The following ESRRB variants were observed in gnomAD, a reference collection of about 807,000 sequenced individuals.
The protein encoded by ESRRB is steroid hormone receptor ERR2.
Under a neutral mutation model 46.0 loss-of-function variants are expected in ESRRB, and 16 were observed. That is an observed-to-expected ratio of 0.35 (90% confidence interval 0.24 to 0.53). The LOEUF (loss-of-function observed/expected upper bound fraction) is 0.53. Among genes scored for constraint, ESRRB ranks in the 20% least tolerant of loss-of-function variants. ESRRB has a pLI of 0.93. For synonymous variants in ESRRB, 246 were observed against 259.6 expected (o/e 0.95, Z 0.50); for missense variants, 488 against 607.4 (o/e 0.80, Z 2.07).
At chr14:76,349,844 G>A (rs1884293196) in intron 1 of ESRRB, among the ~76,000 whole-genome samples, 1 of 152,134 alleles carries the variant, frequency 6.6e-6, no homozygotes, top group Non-Finnish European at 1.5e-5. Flanking sequence ...AAAGACTCAG[G>A]AAAAGGAAAG....
intron 1 of ESRRB, 27 bp from the exon 2 acceptor site, chr14:76,439,314 G>T: frequency 6.2e-7 from 1 of 1,613,448 alleles, no homozygotes; most frequent in South Asian, 1.1e-5. Context: ...ACCTTGCTGG[G>T]GCTGACTTCC....
At chr14:76,346,423 C>T (rs1884250752) in intron 1 of ESRRB, among the ~76,000 whole-genome samples, 1 of 152,246 alleles carries the variant, frequency 6.6e-6, no homozygotes, top group South Asian at 2.1e-4. Context: ...GGGCACCCAT[C>T]CCTGGCTCAC....
chr14:76,365,480 AAAAC>A lies in ESRRB; in HGVS notation c.2+54587_2+54590del, dbSNP rs145410460. Among the ~76,000 whole-genome samples the A allele has an allele frequency of 3.1e-3, 469 of 152,098 alleles. 2 individuals carry two copies. The highest frequency in any genetic ancestry group is 0.011 in the African/African-American group (438 of 41,438). On this transcript the variant is annotated intron_variant, in intron 1 of 6. Transcript: ENST00000512784. ...GGTGACAGAACAAGATCCTGTCTCC[AAAAC>A]AAACAAACAAACAAACAAACAAGCC...
intron 6 of ESRRB, among the ~76,000 whole-genome samples, chr14:76,494,517 G>A (rs554850833): frequency 6.6e-6 from 1 of 152,188 alleles, no homozygotes; most frequent in South Asian, 2.1e-4. Flanking sequence ...ATGTTGGCCA[G>A]GCTGGTCTCA....
upstream of ESRRB, among the ~76,000 whole-genome samples, chr14:76,366,354 G>A (rs1051667332): frequency 3.0e-4 from 45 of 152,170 alleles, 1 homozygote; most frequent in Non-Finnish European, 1.5e-4. Flanking sequence ...CTCTTTCCTG[G>A]ATTTGGACAC....
intron 2 of ESRRB, among the ~76,000 whole-genome samples, chr14:76,460,565 C>T (rs761891586): frequency 1.3e-5 from 2 of 152,152 alleles, no homozygotes; most frequent in Admixed American, 6.5e-5. Context: ...GGGGCTGGAA[C>T]GAGAGATGTG....
At chr14:76,459,251 C>T (rs917863492) in intron 2 of ESRRB, among the ~76,000 whole-genome samples, 1 of 152,018 alleles carries the variant, frequency 6.6e-6, no homozygotes, top group Non-Finnish European at 1.5e-5. Context: ...GACAAGCATT[C>T]GCCAGTGTGA....
At chr14:76,393,955 C>T (rs1178124026) in intron 1 of ESRRB, among the ~76,000 whole-genome samples, 1 of 149,678 alleles carries the variant, frequency 6.7e-6, no homozygotes, top group East Asian at 2.0e-4. Context: ...CATGCACCAA[C>T]ATGCCTGGCT....
intron 1 of ESRRB, among the ~76,000 whole-genome samples, chr14:76,381,308 G>A (rs1046717550): frequency 6.6e-6 from 1 of 152,124 alleles, no homozygotes; most frequent in African/African-American, 2.4e-5. Context: ...TGTAATGGCT[G>A]GCCCGGCAGA....
intron 1 of ESRRB, among the ~76,000 whole-genome samples, chr14:76,333,722 G>A (rs1367112632): frequency 2.0e-5 from 3 of 151,368 alleles, no homozygotes; most frequent in Admixed American, 6.6e-5. Context: ...TCGACATATA[G>A]GTAATATTAA....
At chr14:76,477,533 A>C (rs1889629891) in intron 3 of ESRRB, among the ~76,000 whole-genome samples, 1 of 152,208 alleles carries the variant, frequency 6.6e-6, no homozygotes, top group African/African-American at 2.4e-5. Flanking sequence ...CTGAAGATGC[A>C]GCTGAAGCCC....
intron 2 of ESRRB, among the ~76,000 whole-genome samples, chr14:76,454,856 T>C (rs976676253): frequency 2.0e-5 from 3 of 152,170 alleles, no homozygotes; most frequent in African/African-American, 7.2e-5. Flanking sequence ...GTTTAAAGAG[T>C]ATAAAAGAAA....
chr14:76,322,792 C>T (rs1197858610), intron 1 of ESRRB, among the ~76,000 whole-genome samples: 1 of 152,190 alleles, frequency 6.6e-6, no homozygotes, highest in East Asian at 1.9e-4. Flanking sequence ...GGCAGCTGGC[C>T]TCCTCGCCCA....
chr14:76,376,547 A>C lies in ESRRB; in HGVS notation c.50+96A>C. On this transcript the variant is annotated intron_variant, in intron 1 of 6. Transcript: ENST00000644823. This position sits in a 1 kb window ranked among gnomAD's most constrained non-coding sequence, Gnocchi z 4.1. The stretch of plus-strand genomic sequence containing the variant: ...TCCTTTTCTGCACATTCTTGTGTAA[A>C]AGTGGAAGGGACTTCGGGGGGGCAC... 5 of 951,716 alleles carry C rather than the reference A, an allele frequency of 5.3e-6. No homozygotes were observed. The highest frequency in any genetic ancestry group is 6.8e-6 in the Non-Finnish European group (5 of 733,706). The allele number at this position is 951,716 out of a possible 1,614,324, so 59.0% of individuals were successfully genotyped here. A position where few individuals can be genotyped will look rare whatever the true frequency, so the allele number is the denominator to read the frequency against.
chr14:76,342,673 T>C (rs1884205653), intron 1 of ESRRB, among the ~76,000 whole-genome samples: 1 of 152,214 alleles, frequency 6.6e-6, no homozygotes, highest in Non-Finnish European at 1.5e-5. Context: ...GATTTCCCCA[T>C]CTGTAAAGTG....
chr14:76,317,310 C>CTG (rs4024313), intron 1 of ESRRB, among the ~76,000 whole-genome samples: 22,959 of 134,298 alleles, frequency 0.17, 1,998 homozygotes, highest in African/African-American at 0.23. Context: ...TGATTAGGCT[C>CTG]TGTGTGTGTG....
chr14:76,498,158 C>G, intron 6 of ESRRB, 56 bp from the exon 7 acceptor site: 5 of 1,610,522 alleles, frequency 3.1e-6, no homozygotes, highest in Non-Finnish European at 4.2e-6. Flanking sequence ...AGATGGCCCC[C>G]ACACCAGGCA....
chr14:76,443,338 C>G (rs1175233970), intron 2 of ESRRB, among the ~76,000 whole-genome samples: 1 of 152,076 alleles, frequency 6.6e-6, no homozygotes, highest in African/African-American at 2.4e-5. Context: ...AATGAATGCA[C>G]CCTGGTCTCT....
chr14:76,355,957 C>T (rs1884374638), intron 1 of ESRRB, among the ~76,000 whole-genome samples: 1 of 152,216 alleles, frequency 6.6e-6, no homozygotes, highest in Admixed American at 6.5e-5. Context: ...CTCTTCCCCC[C>T]AACCTTGAGG....
Sources: allele counts gnomAD v4.1 joint callset (sites outside exome capture counted in the v4.1 genomes callset), GRCh38; gene constraint gnomAD v4.1.1; non-coding constraint Gnocchi (gnomAD v3.1); transcripts MANE v1.5; gene names NCBI Gene and HGNC (gene_info 2026-07-23, HGNC 2026-07-21).